Variants in INPP4B observed in about 807,000 individuals in gnomAD.
The protein encoded by INPP4B is inositol polyphosphate 4-phosphatase type II.
INPP4B carries 55 observed loss-of-function variants against 122.5 expected under a neutral mutation model. The observed-to-expected ratio is 0.45, with a 90% CI of 0.36 to 0.56. The LOEUF (loss-of-function observed/expected upper bound fraction) is 0.56. Ranked by LOEUF, INPP4B falls within the 20% of genes least tolerant of loss-of-function variation. The pLI is 0.00. For synonymous variants in INPP4B, 403 were observed against 388.7 expected (o/e 1.04, Z -0.43); for missense variants, 1,000 against 1,097.7 (o/e 0.91, Z 1.26).
intron 2 of INPP4B, among the ~76,000 whole-genome samples, chr4:142,667,487 T>C (rs1361198056): frequency 6.6e-6 from 1 of 152,190 alleles, no homozygotes; most frequent in African/African-American, 2.4e-5. Flanking sequence ...GAATCCAGGT[T>C]ATGGAGTCAA....
intron 7 of INPP4B, among the ~76,000 whole-genome samples, chr4:142,339,686 A>G (rs1465979103): frequency 6.6e-6 from 1 of 152,190 alleles, no homozygotes; most frequent in Non-Finnish European, 1.5e-5. Context: ...ATTATTTTGT[A>G]CAGAAAAGTG....
intron 1 of INPP4B, among the ~76,000 whole-genome samples, chr4:142,769,087 A>G (rs901376146): frequency 2.1e-4 from 32 of 152,192 alleles, no homozygotes; most frequent in Non-Finnish European, 3.7e-4. Flanking sequence ...TTGGATATAC[A>G]TGGAAATTAA....
At chr4:142,259,206 G>T (rs1385637040) in intron 11 of INPP4B, among the ~76,000 whole-genome samples, 2 of 117,640 alleles carry the variant, frequency 1.7e-5, no homozygotes, top group Admixed American at 9.9e-5. Flanking sequence ...GACTGTTGTG[G>T]GGTGGGGGGA....
intron 2 of INPP4B, among the ~76,000 whole-genome samples, chr4:142,589,617 T>C (rs1736994502): frequency 6.6e-6 from 1 of 152,082 alleles, no homozygotes; most frequent in Non-Finnish European, 1.5e-5. Flanking sequence ...CCAAGAAGAC[T>C]GACAATACCA....
At chr4:142,471,783 C>A (rs766603754) in intron 2 of INPP4B, among the ~76,000 whole-genome samples, 1 of 143,904 alleles carries the variant, frequency 6.9e-6, no homozygotes, top group Non-Finnish European at 1.5e-5. Context: ...AGCCTGAGCA[C>A]CCGCAATCCA....
At chr4:142,723,347 A>T (rs965783806) in intron 2 of INPP4B, among the ~76,000 whole-genome samples, 23 of 152,158 alleles carry the variant, frequency 1.5e-4, no homozygotes, top group Non-Finnish European at 1.0e-4. Context: ...TTTCCAGGAC[A>T]TGTAAACCTA....
At chr4:142,765,428 A>T (rs1771966560) in intron 1 of INPP4B, among the ~76,000 whole-genome samples, 1 of 152,132 alleles carries the variant, frequency 6.6e-6, no homozygotes, top group Admixed American at 6.6e-5. Context: ...ACTCTTTCCA[A>T]ATACAGCACA....
chr4:142,208,365 G>T, intron 14 of INPP4B, 60 bp downstream of exon 14: 1 of 805,672 alleles, frequency 1.2e-6, no homozygotes, highest in Non-Finnish European at 2.0e-6. Flanking sequence ...TAGTCAAGCT[G>T]TTTACAGAAG....
Position 142,723,786 on chromosome 4 carries a change from GCA to G in INPP4B, c.-191+2051_-191+2052del, listed in dbSNP as rs772285295. 1.3e-4 allele frequency among the ~76,000 whole-genome samples: 20 copies of G among 152,190 alleles called. No individual in the cohort carries two copies. The East Asian group carries it at 1.5e-3, about 12-fold the overall frequency. The stretch of plus-strand genomic sequence containing the variant: ...ACTATTTAAACATTGAAATTTAAAT[GCA>G]CATATTCCATCTGAGATAATAGGCA... On this transcript the variant is annotated intron_variant, in intron 2 of 25. Coordinates refer to ENST00000262992, the MANE Select transcript of INPP4B (RefSeq NM_001101669.3).
chr4:142,121,843 G>A (rs1364946235), intron 21 of INPP4B, among the ~76,000 whole-genome samples: 1 of 151,970 alleles, frequency 6.6e-6, no homozygotes, highest in East Asian at 1.9e-4. Flanking sequence ...TAGTAATAAG[G>A]AGAAAAATGT....
intron 1 of INPP4B, among the ~76,000 whole-genome samples, chr4:142,837,064 G>A (rs1441276706): frequency 6.6e-6 from 1 of 151,930 alleles, no homozygotes; most frequent in East Asian, 1.9e-4. Flanking sequence ...TACTTGGGAG[G>A]AGAATCACTC....
chr4:142,307,149 C>T (rs1437377457), intron 8 of INPP4B, among the ~76,000 whole-genome samples: 1 of 152,114 alleles, frequency 6.6e-6, no homozygotes, highest in Non-Finnish European at 1.5e-5. Flanking sequence ...AGTTTGTGAG[C>T]TGTATCAGCA....
intron 2 of INPP4B, among the ~76,000 whole-genome samples, chr4:142,549,864 G>A (rs1186476242): frequency 2.0e-5 from 3 of 152,118 alleles, no homozygotes; most frequent in Admixed American, 2.0e-4. Flanking sequence ...AGCTCTCTGA[G>A]GTTTCAGAAC....
chr4:142,818,441 C>CGTACGT (rs1780392700), intron 1 of INPP4B, among the ~76,000 whole-genome samples: 1 of 149,234 alleles, frequency 6.7e-6, no homozygotes, highest in Non-Finnish European at 1.5e-5. Context: ...GCAATTTAAA[C>CGTACGT]GTGTGTGTGT....
intron 2 of INPP4B, chr4:142,473,313 G>C (rs927490100): frequency 5.2e-5 from 8 of 152,520 alleles, no homozygotes; most frequent in Admixed American, 1.3e-4. Context: ...GAGGAACGCA[G>C]AGAGCAGAAA....
Position 142,172,025 on chromosome 4 carries a change from C to T in INPP4B, c.1359+1607G>A, listed in dbSNP as rs534324467. ...CTATAAATCCAAAAAAGAAATGAACCGAAATGAAATTATATTATTTTACTG... is the reference window on the plus strand; with the variant it reads ...CTATAAATCCAAAAAAGAAATGAACTGAAATGAAATTATATTATTTTACTG... On this transcript the variant is annotated intron_variant, in intron 16 of 25. Coordinates refer to ENST00000262992, the MANE Select transcript of INPP4B (RefSeq NM_001101669.3). 3.3e-5 allele frequency among the ~76,000 whole-genome samples: 5 copies of T among 151,884 alleles called. No individual in the cohort carries two copies. In the South Asian group the frequency reaches 1.0e-3, roughly 32 times the overall value.
chr4:142,079,500 A>T (rs922452311), intron 25 of INPP4B, among the ~76,000 whole-genome samples: 1 of 152,082 alleles, frequency 6.6e-6, no homozygotes, highest in Non-Finnish European at 1.5e-5. Context: ...CCCAGTAATC[A>T]ATCAGCATTA....
chr4:142,234,381 G>A (rs987965265), intron 12 of INPP4B, among the ~76,000 whole-genome samples: 1 of 151,996 alleles, frequency 6.6e-6, no homozygotes, highest in Non-Finnish European at 1.5e-5. Flanking sequence ...TCATTATTTA[G>A]TGCATTACAC....
intron 16 of INPP4B, among the ~76,000 whole-genome samples, chr4:142,161,775 T>A (rs980704435): frequency 6.6e-6 from 1 of 151,940 alleles, no homozygotes; most frequent in Admixed American, 6.6e-5. Flanking sequence ...TCATTTGCCA[T>A]AGATCATAAA....
Sources: gnomAD v4.1 joint callset for allele counts (sites outside exome capture counted in the v4.1 genomes callset) on GRCh38, gnomAD v4.1.1 for gene constraint, MANE v1.5 for transcripts, NCBI Gene and HGNC (gene_info 2026-07-23, HGNC 2026-07-21) for gene names.